Variants in CHD5 observed in about 807,000 individuals in gnomAD.
CHD5 encodes ATP-dependent chromatin remodeler CHD5.
Under a neutral mutation model 230.3 loss-of-function variants are expected in CHD5, and 69 were observed. The observed-to-expected ratio is 0.30, with a 90% CI of 0.25 to 0.37. CHD5 has a LOEUF of 0.37. Ranked by LOEUF, CHD5 falls within the 10% of genes least tolerant of loss-of-function variation. The probability of loss-of-function intolerance (pLI) is 1.00; values close to 1 mark genes in which losing one functional copy is unlikely to be tolerated. For synonymous variants in CHD5, 1,064 were observed against 1,065.9 expected (o/e 1.00, Z 0.03); for missense variants, 1,827 against 2,622.8 (o/e 0.70, Z 6.63).
chr1:6,110,094 G>T, intron 37 of CHD5, 104 bp from the exon 38 acceptor site: 1 of 1,132,178 alleles, frequency 8.8e-7, no homozygotes. Flanking sequence ...AGAAAGGAGG[G>T]AAAGAGGACG....
chr1:6,156,668 G>C (rs1667086086), intron 3 of CHD5, among the ~76,000 whole-genome samples: 1 of 152,224 alleles, frequency 6.6e-6, no homozygotes, highest in Non-Finnish European at 1.5e-5. Context: ...CAGGGGCATG[G>C]GACAATGGGC....
At chr1:6,153,433 T>C (rs1472483346) in intron 5 of CHD5, among the ~76,000 whole-genome samples, 1 of 152,192 alleles carries the variant, frequency 6.6e-6, no homozygotes, top group Non-Finnish European at 1.5e-5. Flanking sequence ...CCAGGCTCCC[T>C]TCAGAGACTT....
chr1:6,142,266 G>A lies in CHD5; in HGVS notation c.2298C>T (p.Arg766=), dbSNP rs566097871. 46 of 1,613,878 alleles carry A rather than the reference G, an allele frequency of 2.9e-5. No homozygotes were observed. The highest frequency in any genetic ancestry group is 2.0e-4 in the East Asian group (9 of 44,870). ...AGTCGGGCGCCCACATCTCAAACTC[G>A]CGTTCCCAGTTGATGATGGTGGAGA... The part of the protein sequence containing the change: ...APLSTIINWE[R]EFEMWAPDFY... Residue 766 remains arginine (R), a synonymous_variant, in exon 15 of 42, where the codon CGC becomes CGT. Coordinates refer to ENST00000262450, the MANE Select transcript of CHD5 (RefSeq NM_015557.3). This position sits in a 1 kb window ranked among gnomAD's most constrained non-coding sequence, Gnocchi z 5.2.
chr1:6,179,547 C>T (rs1352956184), intron 1 of CHD5, among the ~76,000 whole-genome samples: 1 of 151,572 alleles, frequency 6.6e-6, no homozygotes, highest in East Asian at 1.9e-4. Flanking sequence ...AGGCCAGAGG[C>T]GCACGGCGGC....
chr1:6,118,728 G>T (rs541157045), intron 33 of CHD5, among the ~76,000 whole-genome samples: 1 of 151,422 alleles, frequency 6.6e-6, no homozygotes, highest in African/African-American at 2.4e-5. Flanking sequence ...ACAGAATTTC[G>T]ATCTTGTTGC....
In CHD5 at chr1:6,148,901, G is replaced by T. The variant is rs768943855; in HGVS notation, c.1336C>A (p.Pro446Thr). Residue 446 changes from proline to threonine, a missense_variant, in exon 9 of 42, where the codon CCG becomes ACG. Physicochemically the swap from Pro to Thr is conservative, Grantham distance 38 (BLOSUM62 -1). Coordinates refer to ENST00000262450, the MANE Select transcript of CHD5 (RefSeq NM_015557.3). Reference sequence around the variant, plus strand: ...TCACCGTTTGGGATCTCGGGCAGCGGCGGGTTGAGGCAATGCAGGTGGTAG... The same window carrying T: ...TCACCGTTTGGGATCTCGGGCAGCGTCGGGTTGAGGCAATGCAGGTGGTAG... ...SSYHLHCLNP[P>T]LPEIPNGEWL... 4 of 1,588,226 alleles carry T rather than the reference G, an allele frequency of 2.5e-6. No individual in the cohort carries two copies. The African/African-American group carries it at 5.4e-5, about 21-fold the overall frequency.
rs990659888 is a variant in CHD5, at chr1:6,134,700, A to T, written c.3012+18T>A. 6.8e-6 allele frequency: 11 copies of T among 1,613,760 alleles called. No homozygotes were observed. The highest frequency in any genetic ancestry group is 8.5e-6 in the Non-Finnish European group (10 of 1,179,742). ...TGGCGGTCATGGAGAAGCTGCCATG[A>T]TGGCCGGGGAAACCTACCACGGCAG... On this transcript the variant is annotated intron_variant, in intron 19 of 41. Transcript: ENST00000262450. The surrounding 1 kb of genome is among the most constrained non-coding windows in gnomAD (Gnocchi z 6.3).
At position 6,128,771 on chromosome 1, in the gene CHD5, C is replaced by T; in HGVS notation, c.3619+67G>A. On this transcript the variant is annotated intron_variant, in intron 23 of 41. Coordinates refer to ENST00000262450, the MANE Select transcript of CHD5 (RefSeq NM_015557.3). The surrounding 1 kb of genome is among the most constrained non-coding windows in gnomAD (Gnocchi z 7.8). The stretch of plus-strand genomic sequence containing the variant: ...TGGAGCGGGCAGGGACCCAAGCAAG[C>T]CCTGGATGGGTGTCTCAGCCGGGCC... 7.0e-7 allele frequency: 1 copy of T among 1,419,644 alleles called. No individual in the cohort carries two copies. Among genetic ancestry groups the T allele is most frequent in the Non-Finnish European group, 9.9e-7 (1 of 1,014,562 alleles). 87.9% of individuals were successfully genotyped at this position (1,419,644 alleles called of 1,614,324 possible). A position where few individuals can be genotyped will look rare whatever the true frequency, so the allele number is the denominator to read the frequency against.
Position 6,146,544 on chromosome 1 carries a change from C to A in CHD5, c.1590+121G>T. 1 of 1,386,816 alleles carries A rather than the reference C, an allele frequency of 7.2e-7. No individual in the cohort carries two copies. The highest frequency in any genetic ancestry group is 1.0e-6 in the Non-Finnish European group (1 of 984,538). The allele number at this position is 1,386,816 out of a possible 1,614,324, so 85.9% of individuals were successfully genotyped here. ...GCAGGACAATCCTCCCGCTCAGCAC[C>A]ACCCCAACTCCCAACAGCACCCCTC... On this transcript the variant is annotated intron_variant, in intron 10 of 41. Transcript: ENST00000262450. The surrounding 1 kb of genome is among the most constrained non-coding windows in gnomAD (Gnocchi z 5.1).
intron 11 of CHD5, among the ~76,000 whole-genome samples, chr1:6,144,624 C>A (rs546234187): frequency 1.3e-5 from 2 of 152,224 alleles, no homozygotes; most frequent in African/African-American, 2.4e-5. Context: ...GCAATTCCTG[C>A]GTGTGAGGTG....
At chr1:6,114,422 C>T (rs1186911251) in intron 33 of CHD5, among the ~76,000 whole-genome samples, 1 of 152,040 alleles carries the variant, frequency 6.6e-6, no homozygotes, top group African/African-American at 2.4e-5. Flanking sequence ...CCCTGGGCCA[C>T]ACTGGAAGAA....
At chr1:6,153,595 G>A (rs973541973) in intron 5 of CHD5, among the ~76,000 whole-genome samples, 30 of 152,194 alleles carry the variant, frequency 2.0e-4, no homozygotes, top group African/African-American at 6.8e-4. Context: ...TTGGGAGGCC[G>A]AGGTGGGCAG....
At chr1:6,169,015 T>C (rs1398387003) in intron 1 of CHD5, among the ~76,000 whole-genome samples, 1 of 108,220 alleles carries the variant, frequency 9.2e-6, no homozygotes, top group Admixed American at 1.1e-4. Context: ...TGAGACTCCA[T>C]CAAAAAAAAA....
intron 9 of CHD5, among the ~76,000 whole-genome samples, chr1:6,147,678 C>A (rs1666932427): frequency 6.6e-6 from 1 of 152,188 alleles, no homozygotes; most frequent in South Asian, 2.1e-4. Context: ...CTCGGAAACT[C>A]ATCCAAGCCT....
At chr1:6,162,507 C>T (rs2100876677) in intron 2 of CHD5, among the ~76,000 whole-genome samples, 1 of 152,268 alleles carries the variant, frequency 6.6e-6, no homozygotes, top group East Asian at 1.9e-4. Context: ...ATGGGACGTG[C>T]ACCCAGGTCT....
At position 6,110,382 on chromosome 1, in the gene CHD5, C is replaced by A. The variant is rs758045203; in HGVS notation, c.5382+12G>T. The A allele has an allele frequency of 6.2e-7, 1 of 1,613,900 alleles. No individual in the cohort carries two copies. Among genetic ancestry groups the A allele is most frequent in the East Asian group, 2.2e-5 (1 of 44,886 alleles). On this transcript the variant is annotated intron_variant, in intron 37 of 41. Transcript: ENST00000262450. ...CCTGCCCCGTGCAGCCCTGGCCCTTCAGAAGACAGACCTTAAACCTGCGGG... is the reference window on the plus strand; with the variant it reads ...CCTGCCCCGTGCAGCCCTGGCCCTTAAGAAGACAGACCTTAAACCTGCGGG...
intron 1 of CHD5, among the ~76,000 whole-genome samples, chr1:6,171,942 G>A (rs1045496382): frequency 2.6e-5 from 4 of 152,250 alleles, no homozygotes; most frequent in African/African-American, 7.2e-5. Context: ...GAGGCTCCAC[G>A]GATCCAAGCC....
chr1:6,159,808 T>G (rs1174148818), intron 2 of CHD5, among the ~76,000 whole-genome samples: 2 of 152,234 alleles, frequency 1.3e-5, no homozygotes, highest in African/African-American at 4.8e-5. Context: ...CTTCTCCATC[T>G]GCAAGCTCGG....
intron 1 of CHD5, among the ~76,000 whole-genome samples, chr1:6,174,584 GATGGATGGTGGATGGGTGGATGGACGA>G (rs1354774488): frequency 6.6e-6 from 1 of 151,524 alleles, no homozygotes; most frequent in Non-Finnish European, 1.5e-5. Context: ...GTGGATAGTG[GATGGATGGTGGATGGGTGGATGGACGA>G]ATGGATGGTG....
Sources: allele counts gnomAD v4.1 joint callset (sites outside exome capture counted in the v4.1 genomes callset), GRCh38; gene constraint gnomAD v4.1.1; non-coding constraint Gnocchi (gnomAD v3.1); transcripts MANE v1.5; gene names NCBI Gene and HGNC (gene_info 2026-07-23, HGNC 2026-07-21).